Variants in PIBF1 observed in about 807,000 individuals in gnomAD.
PIBF1 encodes the protein progesterone immunomodulatory binding factor 1.
Under a neutral mutation model 112.5 loss-of-function variants are expected in PIBF1, and 90 were observed. The ratio of observed to expected loss-of-function variants is 0.80; its 90% CI spans 0.67 to 0.95. The LOEUF is 0.95. Ranked by LOEUF, PIBF1 falls within the 40% of genes least tolerant of loss-of-function variation. PIBF1 has a pLI of 0.00. For synonymous variants in PIBF1, 301 were observed against 288.6 expected (o/e 1.04, Z -0.44); for missense variants, 915 against 852.3 (o/e 1.07, Z -0.92).
chr13:72,886,127 A>G lies in PIBF1; in HGVS notation c.1323-7657A>G, dbSNP rs142154512. Among the ~76,000 whole-genome samples, 268 of 152,246 alleles carry G rather than the reference A, an allele frequency of 1.8e-3. 2 individuals are homozygous for G. The highest frequency in any genetic ancestry group is 3.4e-3 in the Non-Finnish European group (229 of 68,000). On this transcript the variant is annotated intron_variant, in intron 10 of 17. Transcript: ENST00000326291. ...TACTGAAAAATAGGACAAAAGCATG[A>G]TTAGCCTCCATCGTGCTACTATTAA...
At chr13:73,011,487 C>G (rs1051833923) in intron 17 of PIBF1, among the ~76,000 whole-genome samples, 8 of 152,266 alleles carry the variant, frequency 5.3e-5, no homozygotes, top group African/African-American at 1.9e-4. Context: ...AACAAGGTCT[C>G]CCTTCAGGAG....
intron 8 of PIBF1, among the ~76,000 whole-genome samples, chr13:72,834,999 T>C (rs969676923): frequency 6.6e-6 from 1 of 152,222 alleles, no homozygotes; most frequent in African/African-American, 2.4e-5. Context: ...CATGAATTAC[T>C]AAGATTTTAT....
chr13:72,854,725 G>A (rs931292987), intron 10 of PIBF1, among the ~76,000 whole-genome samples: 2 of 151,822 alleles, frequency 1.3e-5, no homozygotes, highest in African/African-American at 4.8e-5. Context: ...ACCTAGGAGT[G>A]GCATTGTTCA....
At chr13:72,978,164 T>C (rs1002261597) in intron 16 of PIBF1, among the ~76,000 whole-genome samples, 20 of 152,208 alleles carry the variant, frequency 1.3e-4, no homozygotes, top group African/African-American at 4.8e-4. Context: ...CCTCACAGAA[T>C]TTATTTTATT....
Position 72,936,209 on chromosome 13 carries a change from T to A in PIBF1, c.1833+4942T>A, listed in dbSNP as rs187415367. 2.2e-3 allele frequency among the ~76,000 whole-genome samples: 338 copies of A among 152,056 alleles called. 2 individuals are homozygous for A. Among genetic ancestry groups the A allele is most frequent in the African/African-American group, 7.7e-3 (320 of 41,506 alleles). ...GCAACCACACCTGGCTAATTTTTTT[T>A]ATTTTTTTGTAGAGATGAGGTCTCA... On this transcript the variant is annotated intron_variant, in intron 14 of 17. Coordinates refer to ENST00000326291, the MANE Select transcript of PIBF1 (RefSeq NM_006346.4).
intron 14 of PIBF1, among the ~76,000 whole-genome samples, chr13:72,948,800 C>T (rs2042217060): frequency 6.6e-6 from 1 of 152,142 alleles, no homozygotes; most frequent in South Asian, 2.1e-4. Context: ...AGGAGAAGTG[C>T]AGAACAAAGG....
At chr13:72,831,743 C>T (rs981377210) in intron 8 of PIBF1, among the ~76,000 whole-genome samples, 2 of 151,944 alleles carry the variant, frequency 1.3e-5, no homozygotes, top group Admixed American at 6.6e-5. Flanking sequence ...GTGGAGAGTT[C>T]TGTAATGTCT....
intron 8 of PIBF1, among the ~76,000 whole-genome samples, chr13:72,828,312 A>G (rs1461497630): frequency 2.0e-5 from 3 of 148,594 alleles, no homozygotes; most frequent in African/African-American, 7.6e-5. Flanking sequence ...GTTCTGGGGT[A>G]CATGTGCAGA....
intron 13 of PIBF1, among the ~76,000 whole-genome samples, chr13:72,920,929 T>TA (rs2041265413): frequency 6.6e-6 from 1 of 152,258 alleles, no homozygotes; most frequent in East Asian, 1.9e-4. Context: ...CAAAATATAT[T>TA]AAAGTTTCAA....
intron 16 of PIBF1, among the ~76,000 whole-genome samples, chr13:72,986,762 C>T (rs1207438735): frequency 1.3e-5 from 2 of 148,426 alleles, no homozygotes; most frequent in Non-Finnish European, 3.0e-5. Flanking sequence ...GCAATCTCGG[C>T]TCACTGCAAG....
intron 16 of PIBF1, among the ~76,000 whole-genome samples, chr13:72,978,918 G>A (rs559028064): frequency 2.0e-5 from 3 of 152,260 alleles, no homozygotes; most frequent in Admixed American, 1.3e-4. Context: ...TTTCAGGCCC[G>A]ATGCAGTGGT....
intron 4 of PIBF1, among the ~76,000 whole-genome samples, chr13:72,797,031 T>C (rs376342034): frequency 1.3e-5 from 2 of 152,270 alleles, no homozygotes; most frequent in South Asian, 2.1e-4. Context: ...TTTCTTAGTT[T>C]TATGGGACCT....
chr13:72,937,360 A>G (rs1295470539), intron 14 of PIBF1, among the ~76,000 whole-genome samples: 2 of 152,166 alleles, frequency 1.3e-5, no homozygotes, highest in East Asian at 3.8e-4. Flanking sequence ...TGTATCTTTA[A>G]CTTATCACCA....
At chr13:72,889,426 C>G (rs1430233331) in intron 10 of PIBF1, among the ~76,000 whole-genome samples, 1 of 152,194 alleles carries the variant, frequency 6.6e-6, no homozygotes, top group Non-Finnish European at 1.5e-5. Flanking sequence ...ACTTAGCAGT[C>G]TATCTCTGAC....
intron 16 of PIBF1, among the ~76,000 whole-genome samples, chr13:72,975,926 C>A (rs1470829601): frequency 2.0e-5 from 3 of 151,854 alleles, no homozygotes; most frequent in Non-Finnish European, 2.9e-5. Flanking sequence ...TTTTTTAAAG[C>A]TAGATATTAA....
chr13:73,015,843 G>T, intron 17 of PIBF1, 26 bp from the exon 18 acceptor site: 1 of 1,442,200 alleles, frequency 6.9e-7, no homozygotes, highest in South Asian at 1.3e-5. Flanking sequence ...CATTTTATTG[G>T]ATTTTCTTTT....
Position 72,998,948 on chromosome 13 carries a change from C to T in PIBF1, c.2176C>T (p.Pro726Ser), listed in dbSNP as rs774251226. 7 of 1,610,906 alleles carry T rather than the reference C, an allele frequency of 4.3e-6. No individual in the cohort carries two copies. In the Admixed American group the frequency reaches 8.4e-5, roughly 19 times the overall value. Residue 726 changes from proline to serine, a missense_variant, in exon 17 of 18, where the codon CCT becomes TCT. Transcript: ENST00000326291. ...TCAGAAATCAAAGACTTTGAATGTG[C>T]CTAAAGAGCATGAAGACAATATATT... ...ENQKSKTLNVPKEHEDNIFTP... is the reference protein window; with the variant it reads ...ENQKSKTLNVSKEHEDNIFTP...
In PIBF1 at chr13:72,783,415, AC is replaced by A; in HGVS notation, c.-47-6del. ...AGTACATTTGAATTAATGTTTTTTA[AC>A]CTACAGAATATTAAAATCAAATTAG... On this transcript the variant is annotated splice_region_variant and splice_polypyrimidine_tract_variant and intron_variant, in intron 1 of 17. Coordinates refer to ENST00000326291, the MANE Select transcript of PIBF1 (RefSeq NM_006346.4). 1 of 1,188,130 alleles carries A rather than the reference AC, an allele frequency of 8.4e-7. No homozygotes were observed. Among genetic ancestry groups the A allele is most frequent in the East Asian group, 2.3e-5 (1 of 42,652 alleles). The allele number at this position is 1,188,130 out of a possible 1,614,324, so 73.6% of individuals were successfully genotyped here.
At chr13:72,817,212 T>C (rs2036314857) in intron 5 of PIBF1, among the ~76,000 whole-genome samples, 1 of 152,200 alleles carries the variant, frequency 6.6e-6, no homozygotes, top group Non-Finnish European at 1.5e-5. Context: ...TTATTAAAGA[T>C]TTATTTTGAA....
Sources: allele counts gnomAD v4.1 joint callset (sites outside exome capture counted in the v4.1 genomes callset), GRCh38; gene constraint gnomAD v4.1.1; transcripts MANE v1.5; gene names NCBI Gene and HGNC (gene_info 2026-07-23, HGNC 2026-07-21).